ADGRL3: variants seen among roughly 807,000 people sequenced by gnomAD.
ADGRL3 encodes the protein adhesion G protein-coupled receptor L3, also known as calcium-independent alpha-latrotoxin receptor 3.
In ADGRL3, 62 loss-of-function variants were observed where a neutral mutation model predicts 153.5. The observed-to-expected ratio is 0.40, with a 90% confidence interval of 0.33 to 0.50. The LOEUF (loss-of-function observed/expected upper bound fraction) is 0.50, where lower values mean the gene tolerates loss of function less well. Ranked by LOEUF, ADGRL3 falls within the 20% of genes least tolerant of loss-of-function variation. The pLI is 0.47. For synonymous variants in ADGRL3, 710 were observed against 672.5 expected, an observed-to-expected ratio of 1.06 and a Z score of -0.86; for missense variants, 1,641 against 1,859.4, an observed-to-expected ratio of 0.88 and a Z score of 2.16.
chr4:61,496,402 G>T (rs1047619225), intron 2 of ADGRL3, among the ~76,000 whole-genome samples: 14 of 152,244 alleles, frequency 9.2e-5, no homozygotes, highest in Middle Eastern at 3.4e-3. Flanking sequence ...AGTGGCTCAT[G>T]CCTGTAATCC....
At chr4:61,895,591 A>G in intron 10 of ADGRL3, 140 bp from the exon 11 acceptor site, 1 of 519,618 alleles carries the variant, frequency 1.9e-6, no homozygotes, top group East Asian at 3.2e-5. Context: ...CTAAATGCTT[A>G]CTGGCACTGT....
intron 1 of ADGRL3, among the ~76,000 whole-genome samples, chr4:61,336,929 A>C (rs1316201673): frequency 2.0e-5 from 3 of 150,376 alleles, no homozygotes; most frequent in Non-Finnish European, 4.4e-5. Flanking sequence ...GCATGCAGTC[A>C]CCACTCTGTT....
At chr4:61,946,808 G>T in intron 15 of ADGRL3, 106 bp from the exon 16 acceptor site, 1 of 857,684 alleles carries the variant, frequency 1.2e-6, no homozygotes, top group East Asian at 2.4e-5. Flanking sequence ...ATGAATGCTG[G>T]ATTTTTTGTG....
intron 2 of ADGRL3, among the ~76,000 whole-genome samples, chr4:61,390,603 G>T (rs1662170227): frequency 6.6e-6 from 1 of 152,132 alleles, no homozygotes; most frequent in Non-Finnish European, 1.5e-5. Context: ...ATTAGTTATT[G>T]TAAATATTTG....
intron 3 of ADGRL3, among the ~76,000 whole-genome samples, chr4:61,505,704 C>T (rs2098423580): frequency 6.6e-6 from 1 of 151,660 alleles, no homozygotes; most frequent in Non-Finnish European, 1.5e-5. Context: ...CTAATATGTT[C>T]TGCAAATTGC....
At chr4:61,499,016 A>G (rs749987439) in intron 3 of ADGRL3, among the ~76,000 whole-genome samples, 2 of 152,200 alleles carry the variant, frequency 1.3e-5, no homozygotes, top group Non-Finnish European at 2.9e-5. Flanking sequence ...AGAATATTAT[A>G]GTGTAGCAAG....
intron 1 of ADGRL3, among the ~76,000 whole-genome samples, chr4:61,352,734 G>C (rs577157992): frequency 2.6e-5 from 4 of 152,246 alleles, no homozygotes; most frequent in African/African-American, 7.2e-5. Flanking sequence ...TTTGTGACTT[G>C]CTTTATCACA....
At chr4:61,600,626 G>T (rs1315078109) in intron 5 of ADGRL3, among the ~76,000 whole-genome samples, 3 of 152,086 alleles carry the variant, frequency 2.0e-5, no homozygotes. Flanking sequence ...TTTTCCACAA[G>T]GATAGCACCA....
intron 2 of ADGRL3, among the ~76,000 whole-genome samples, chr4:61,451,873 T>A (rs1412349706): frequency 6.6e-6 from 1 of 152,162 alleles, no homozygotes. Flanking sequence ...TTCCCAGAAG[T>A]AATAGGAAGA....
intron 1 of ADGRL3, among the ~76,000 whole-genome samples, chr4:61,226,054 A>G (rs1747815671): frequency 6.6e-6 from 1 of 152,188 alleles, no homozygotes; most frequent in Non-Finnish European, 1.5e-5. Flanking sequence ...CCCCAAAATT[A>G]CCATATAGAA....
intron 8 of ADGRL3, among the ~76,000 whole-genome samples, chr4:61,745,880 G>A (rs868272633): frequency 8.5e-5 from 13 of 152,104 alleles, no homozygotes; most frequent in Middle Eastern, 3.2e-3. Flanking sequence ...AAATGTAAAT[G>A]GACTAAATGC....
chr4:61,744,073 C>T (rs984909281), intron 8 of ADGRL3, among the ~76,000 whole-genome samples: 1 of 152,190 alleles, frequency 6.6e-6, no homozygotes, highest in Non-Finnish European at 1.5e-5. Context: ...CCGCACCTGG[C>T]TCGGAGGGTC....
chr4:61,500,575 CA>C (rs2098376744), intron 3 of ADGRL3, among the ~76,000 whole-genome samples: 1 of 152,060 alleles, frequency 6.6e-6, no homozygotes, highest in South Asian at 2.1e-4. Flanking sequence ...CTTTTGGTTC[CA>C]ACATGTCCTC....
chr4:61,545,614 A>G (rs965559011), intron 4 of ADGRL3, among the ~76,000 whole-genome samples: 6 of 152,126 alleles, frequency 3.9e-5, no homozygotes, highest in Non-Finnish European at 7.3e-5. Flanking sequence ...GCCGAGTTCA[A>G]GTGATTCTCC....
chr4:61,494,469 C>A (rs1321648209), intron 2 of ADGRL3, among the ~76,000 whole-genome samples: 1 of 152,174 alleles, frequency 6.6e-6, no homozygotes, highest in Non-Finnish European at 1.5e-5. Flanking sequence ...CAATATCCCT[C>A]TTCAAGTAGC....
At chr4:61,938,336 T>C (rs1176812119) in intron 15 of ADGRL3, among the ~76,000 whole-genome samples, 2 of 152,148 alleles carry the variant, frequency 1.3e-5, no homozygotes, top group Non-Finnish European at 2.9e-5. Flanking sequence ...CAAAATTAAA[T>C]TATGTTATAA....
chr4:61,598,368 G>A lies in ADGRL3; in HGVS notation c.473+10928G>A, dbSNP rs141514162. ...TCTAAAATGTTACACATGAGTGAAC[G>A]TGAAGGAAAAATTATTCTCATGAGA... On this transcript the variant is annotated intron_variant, in intron 5 of 26. Coordinates refer to ENST00000683033, the MANE Select transcript of ADGRL3 (RefSeq NM_001387552.1). Among the ~76,000 whole-genome samples, 923 of 152,208 alleles carry A rather than the reference G, an allele frequency of 6.1e-3. 8 individuals are homozygous for A. Among genetic ancestry groups the A allele is most frequent in the African/African-American group, 0.018 (764 of 41,528 alleles).
chr4:61,225,557 T>A (rs1442181577), intron 1 of ADGRL3, among the ~76,000 whole-genome samples: 1 of 152,168 alleles, frequency 6.6e-6, no homozygotes, highest in Non-Finnish European at 1.5e-5. Flanking sequence ...ATGTAAGATA[T>A]GTGAAAATCA....
intron 6 of ADGRL3, among the ~76,000 whole-genome samples, chr4:61,702,239 C>T (rs1398529813): frequency 6.6e-6 from 1 of 152,100 alleles, no homozygotes; most frequent in East Asian, 1.9e-4. Flanking sequence ...GACTAGTTGT[C>T]CTTAATGATA....
Sources: gnomAD v4.1 joint callset for allele counts (sites outside exome capture counted in the v4.1 genomes callset) on GRCh38, gnomAD v4.1.1 for gene constraint, MANE v1.5 for transcripts, NCBI Gene and HGNC (gene_info 2026-07-23, HGNC 2026-07-21) for gene names.